The following BTBD7 variants were observed in gnomAD, a reference collection of about 807,000 sequenced individuals.
BTBD7 encodes BTB/POZ domain-containing protein 7.
A neutral mutation model predicts 99.9 loss-of-function variants in BTBD7; 38 were observed. The observed-to-expected ratio is 0.38, with a 90% confidence interval of 0.29 to 0.50. The LOEUF is 0.50. Among genes scored for constraint, BTBD7 ranks in the 20% least tolerant of loss-of-function variants. The pLI is 0.93. For synonymous variants in BTBD7, 520 were observed against 511.4 expected (o/e 1.02, Z -0.23); for missense variants, 1,170 against 1,394.6 (o/e 0.84, Z 2.57).
intron 1 of BTBD7, among the ~76,000 whole-genome samples, chr14:93,306,254 A>G (rs1253279656): frequency 6.6e-6 from 1 of 152,136 alleles, no homozygotes; most frequent in East Asian, 1.9e-4. Context: ...AGCATATAGG[A>G]GAAGCAATTT....
intron 3 of BTBD7, among the ~76,000 whole-genome samples, chr14:93,273,562 GA>G (rs2052622003): frequency 6.6e-6 from 1 of 152,202 alleles, no homozygotes; most frequent in African/African-American, 2.4e-5. Flanking sequence ...CTTGGACACA[GA>G]AACCTGGAAT....
At chr14:93,287,714 TC>T (rs1286313365) in intron 3 of BTBD7, 1 of 152,228 alleles carries the variant, frequency 6.6e-6, no homozygotes, top group Non-Finnish European at 1.5e-5. Flanking sequence ...ACTTTCACCC[TC>T]CCGGTCTGGG....
chr14:93,272,241 C>T lies in BTBD7; in HGVS notation c.1163-8248G>A, dbSNP rs1043080715. Reference sequence around the variant, plus strand: ...AGATTGCAGTGAGCCAAGATTGCACCACTGCACTCCAGCCTGGGCAACAGA... The same window carrying T: ...AGATTGCAGTGAGCCAAGATTGCACTACTGCACTCCAGCCTGGGCAACAGA... On this transcript the variant is annotated intron_variant, in intron 3 of 10. Coordinates refer to ENST00000334746, the MANE Select transcript of BTBD7 (RefSeq NM_001002860.4). Among the ~76,000 whole-genome samples the T allele has an allele frequency of 4.6e-5, 7 of 152,020 alleles. No homozygotes were observed. In the East Asian group the frequency reaches 1.4e-3, roughly 29 times the overall value.
At position 93,242,317 on chromosome 14, in the gene BTBD7, ACCT is replaced by A. The variant is rs1395246521; in HGVS notation, c.3352_3354del (p.Arg1118del). ...TAGAGGAAGTCCGGCTTGCTTGGTG[ACCT>A]CCTTCCTCTGCTTATTGAATCTTCC... On this transcript the variant is annotated inframe_deletion, in exon 11 of 11. Transcript: ENST00000334746. 6.2e-7 allele frequency: 1 copy of A among 1,613,640 alleles called. No individual in the cohort carries two copies. The highest frequency in any genetic ancestry group is 1.3e-5 in the African/African-American group (1 of 74,820).
At chr14:93,277,558 G>T (rs528784987) in intron 3 of BTBD7, among the ~76,000 whole-genome samples, 11 of 152,196 alleles carry the variant, frequency 7.2e-5, no homozygotes, top group African/African-American at 2.7e-4. Context: ...CTTTAGCTGT[G>T]TGATGTGTGA....
At chr14:93,252,461 C>A (rs2052379771) in intron 7 of BTBD7, among the ~76,000 whole-genome samples, 1 of 150,648 alleles carries the variant, frequency 6.6e-6, no homozygotes, top group Non-Finnish European at 1.5e-5. Context: ...GCTCAAGCAA[C>A]CCTCCTACTT....
chr14:93,331,889 C>CCA (rs1555394531), intron 1 of BTBD7, among the ~76,000 whole-genome samples: 12 of 141,266 alleles, frequency 8.5e-5, no homozygotes, highest in Admixed American at 3.3e-4. Flanking sequence ...TCCCCCCCCC[C>CCA]AAAAAGGTTG....
chr14:93,261,224 A>T (rs1302106705), intron 5 of BTBD7, among the ~76,000 whole-genome samples: 2 of 152,340 alleles, frequency 1.3e-5, no homozygotes, highest in South Asian at 4.1e-4. Flanking sequence ...GGCTCTTACT[A>T]TACTTGTATT....
chr14:93,252,310 TAA>T (rs202045410), intron 7 of BTBD7, among the ~76,000 whole-genome samples: 6 of 137,048 alleles, frequency 4.4e-5, no homozygotes, highest in African/African-American at 5.4e-5. Context: ...AACTCCGTCT[TAA>T]AAAAAAAAAA....
intron 8 of BTBD7, among the ~76,000 whole-genome samples, chr14:93,249,720 T>C (rs2052350339): frequency 6.6e-6 from 1 of 152,178 alleles, no homozygotes; most frequent in South Asian, 2.1e-4. Context: ...GCCTAAAGTA[T>C]TTACTATCTG....
At chr14:93,276,925 G>A (rs2052662999) in intron 3 of BTBD7, among the ~76,000 whole-genome samples, 1 of 110,880 alleles carries the variant, frequency 9.0e-6, no homozygotes, top group African/African-American at 3.6e-5. Context: ...TTTTTGAGAT[G>A]GAATCTCACT....
chr14:93,295,900 C>G, intron 2 of BTBD7, 70 bp downstream of exon 2: 1 of 1,431,666 alleles, frequency 7.0e-7, no homozygotes, highest in Non-Finnish European at 9.8e-7. Context: ...TTGTCATCTA[C>G]AGAGACTACC....
At chr14:93,318,409 A>G (rs950252937) in intron 1 of BTBD7, among the ~76,000 whole-genome samples, 9 of 152,182 alleles carry the variant, frequency 5.9e-5, no homozygotes, top group African/African-American at 2.2e-4. Context: ...GCTTTAAAAT[A>G]ATGTTTTTTT....
intron 1 of BTBD7, among the ~76,000 whole-genome samples, chr14:93,297,373 A>G (rs1210860799): frequency 6.6e-6 from 1 of 152,224 alleles, no homozygotes; most frequent in Non-Finnish European, 1.5e-5. Flanking sequence ...CCCAGGCTGG[A>G]GTGCAGTGGC....
chr14:93,264,024 T>C, intron 3 of BTBD7, 31 bp from the exon 4 acceptor site: 1 of 1,568,934 alleles, frequency 6.4e-7, no homozygotes, highest in Non-Finnish European at 8.8e-7. Flanking sequence ...TTCTTGAGAT[T>C]AATCATAAAT....
Position 93,239,520 on chromosome 14 carries a change from T to A in BTBD7, c.*2753A>T, listed in dbSNP as rs187762021. ...ATCTTAGTACAGCATTAAAAAAGAT[T>A]TAATAGATGGGTTCAAAAGCCAGAG... On this transcript the variant is annotated 3_prime_UTR_variant, in exon 11 of 11. Coordinates refer to ENST00000334746, the MANE Select transcript of BTBD7 (RefSeq NM_001002860.4). The A allele has an allele frequency of 9.8e-5, 15 of 152,452 alleles. No homozygotes were observed. Among genetic ancestry groups the A allele is most frequent in the African/African-American group, 3.6e-4 (15 of 41,440 alleles). 9.4% of individuals were successfully genotyped at this position (152,452 alleles called of 1,614,324 possible).
chr14:93,321,589 T>A (rs72708588), intron 1 of BTBD7, among the ~76,000 whole-genome samples: 18,452 of 152,128 alleles, frequency 0.12, 1,432 homozygotes, highest in African/African-American at 0.22. Flanking sequence ...CAAGACTCCG[T>A]CACAAACAAA....
intron 1 of BTBD7, among the ~76,000 whole-genome samples, chr14:93,323,198 AG>A (rs1328521188): frequency 6.6e-6 from 1 of 152,194 alleles, no homozygotes; most frequent in African/African-American, 2.4e-5. Flanking sequence ...GCTTGAGCCC[AG>A]GAGTTTGGAA....
At chr14:93,253,928 T>C (rs1377051824) in intron 6 of BTBD7, 138 bp from the exon 7 acceptor site, 1 of 480,796 alleles carries the variant, frequency 2.1e-6, no homozygotes, top group African/African-American at 2.0e-5. Context: ...GTATATGAAA[T>C]TTAGAAATAC....
Sources: gnomAD v4.1 joint callset for allele counts (sites outside exome capture counted in the v4.1 genomes callset) on GRCh38, gnomAD v4.1.1 for gene constraint, MANE v1.5 for transcripts, NCBI Gene and HGNC (gene_info 2026-07-23, HGNC 2026-07-21) for gene names.